The following ATR variants were observed in gnomAD, a reference collection of about 807,000 sequenced individuals.
ATR encodes ATR checkpoint kinase.
A neutral mutation model predicts 305.3 loss-of-function variants in ATR; 142 were observed. The ratio of observed to expected loss-of-function variants is 0.47; its 90% confidence interval spans 0.41 to 0.53. The LOEUF is 0.53. Among genes scored for constraint, ATR ranks in the 20% least tolerant of loss-of-function variants. The pLI is 0.00. For missense variants in ATR, 2,135 were observed against 3,133.1 expected (o/e 0.68, Z 7.60); for synonymous variants, 1,050 against 1,068.1 (o/e 0.98, Z 0.33).
Position 142,553,266 on chromosome 3 carries a change from C to T in ATR, c.2766G>A (p.Leu922=), listed in dbSNP as rs1456863565. ...RALVAAKSVK[L]QSFFSQYKKP... The stretch of plus-strand genomic sequence containing the variant: ...TCTTATACTGGCTGAAAAAACTTTG[C>T]AGTTTAACACTTTTAGCTGCAACCA... The change falls in exon 13 of 47, where the codon CTG becomes CTA. Residue 922 remains leucine, a synonymous_variant. Transcript: ENST00000350721. 1 of 1,614,118 alleles carries T rather than the reference C, an allele frequency of 6.2e-7. No homozygotes were observed. Among genetic ancestry groups the T allele is most frequent in the East Asian group, 2.2e-5 (1 of 44,878 alleles).
chr3:142,493,175 T>C lies in ATR; in HGVS notation c.6035A>G (p.Glu2012Gly), dbSNP rs766149533. The C allele has an allele frequency of 1.2e-6, 2 of 1,613,574 alleles. No homozygotes were observed. Among genetic ancestry groups the C allele is most frequent in the Non-Finnish European group, 1.7e-6 (2 of 1,179,662 alleles). The change falls in exon 35 of 47, where the codon GAA (glutamate) becomes GGA (glycine). Residue 2012 changes from glutamate to glycine, a missense_variant. Glu to Gly is a moderately conservative substitution (Grantham distance 98). This residue lies in a region of ATR where 462 missense variants were observed against 887.6 expected (regional missense o/e 0.52). Transcript: ENST00000350721. ...AMLLVGRFME[E>G]TANFESNAIM... ...TGCATTGCTTTCAAAGTTAGCTGTT[T>C]CTTCCATAAATCGGCCCACTAGTAG...
intron 21 of ATR, among the ~76,000 whole-genome samples, chr3:142,531,320 A>G (rs2108415522): frequency 6.6e-6 from 1 of 152,116 alleles, no homozygotes; most frequent in South Asian, 2.1e-4. Flanking sequence ...TTTGTTACAT[A>G]TGTATACATG....
chr3:142,466,646 A>T lies in ATR; in HGVS notation c.6688-113T>A, dbSNP rs972540428. 5.4e-5 allele frequency: 54 copies of T among 991,260 alleles called. No homozygotes were observed. In the African/African-American group the frequency reaches 8.3e-4, roughly 15 times the overall value. 61.4% of individuals were successfully genotyped at this position (991,260 alleles called of 1,614,324 possible). On this transcript the variant is annotated intron_variant, in intron 39 of 46. Coordinates refer to ENST00000350721, the MANE Select transcript of ATR (RefSeq NM_001184.4). ...AAGGTTCAGCAGTCTGTGGTTTTCT[A>T]AGTATTTCCTAATCATCCCATTTTA...
intron 46 of ATR, chr3:142,449,856 T>C (rs1275073256): frequency 2.0e-6 from 1 of 506,778 alleles, no homozygotes; most frequent in Non-Finnish European, 3.6e-6. Context: ...AGGGAATTAT[T>C]TACACATTAC....
chr3:142,530,045 T>G (rs2033576602), intron 21 of ATR, among the ~76,000 whole-genome samples: 1 of 152,138 alleles, frequency 6.6e-6, no homozygotes, highest in Non-Finnish European at 1.5e-5. Context: ...ACATCAATTA[T>G]TTGCAGGTGA....
At chr3:142,556,209 T>C in intron 9 of ATR, 70 bp from the exon 10 acceptor site, 1 of 1,570,750 alleles carries the variant, frequency 6.4e-7, no homozygotes, top group South Asian at 1.2e-5. Flanking sequence ...CTTGCTTAAT[T>C]TGGGACAAAA....
At chr3:142,497,826 A>G (rs1361550055) in intron 32 of ATR, among the ~76,000 whole-genome samples, 1 of 152,174 alleles carries the variant, frequency 6.6e-6, no homozygotes, top group Non-Finnish European at 1.5e-5. Context: ...ATAGCAGATG[A>G]TAGTAAAAAA....
Position 142,485,296 on chromosome 3 carries a change from C to T in ATR, c.6079-14G>A, listed in dbSNP as rs886058053. ...CGCGGTCACATCCTATAAAAAAGAA[C>T]ATAGGATACCTACCTAAGGAAATCC... On this transcript the variant is annotated splice_polypyrimidine_tract_variant and intron_variant, in intron 35 of 46. Transcript: ENST00000350721. The T allele has an allele frequency of 2.5e-6, 4 of 1,613,714 alleles. No individual in the cohort carries two copies. Among genetic ancestry groups the T allele is most frequent in the Non-Finnish European group, 2.5e-6 (3 of 1,179,880 alleles).
In ATR at chr3:142,560,243, A is replaced by G; in HGVS notation, c.1541+20T>C. ...TCATTACAGGAAACCCAACCCCAAGAAACAAGAAGTTTGTTTTACCAGTTC... is the reference window on the plus strand; with the variant it reads ...TCATTACAGGAAACCCAACCCCAAGGAACAAGAAGTTTGTTTTACCAGTTC... On this transcript the variant is annotated intron_variant, in intron 6 of 46. Transcript: ENST00000350721. 6.2e-7 allele frequency: 1 copy of G among 1,610,164 alleles called. No homozygotes were observed. The highest frequency in any genetic ancestry group is 8.5e-7 in the Non-Finnish European group (1 of 1,176,576).
At chr3:142,517,571 G>C (rs2032921725) in intron 24 of ATR, among the ~76,000 whole-genome samples, 2 of 152,230 alleles carry the variant, frequency 1.3e-5, no homozygotes, top group Admixed American at 1.3e-4. Flanking sequence ...ATTTTATGTG[G>C]CTCCAATTTC....
In ATR at chr3:142,556,462, T is replaced by C. The variant is rs2034676805; in HGVS notation, c.1999A>G (p.Ile667Val). The C allele has an allele frequency of 6.2e-7, 1 of 1,614,028 alleles. No individual in the cohort carries two copies. Among genetic ancestry groups the C allele is most frequent in the South Asian group, 1.1e-5 (1 of 91,082 alleles). Residue 667 changes from isoleucine to valine, a missense_variant, in exon 9 of 47, where the codon ATC (isoleucine) becomes GTC (valine). Transcript: ENST00000350721. ...AATCCACTAACACAACTAGCCCGGA[T>C]TACTTCATGGGAGCTCTGCAGGGCC... ...NWALQSSHEVIRASCVSGFFI... is the reference protein window; with the variant it reads ...NWALQSSHEVVRASCVSGFFI...
At chr3:142,560,622 G>A (rs2034845149) in intron 5 of ATR, among the ~76,000 whole-genome samples, 168 bp from the exon 6 acceptor site, 2 of 151,556 alleles carry the variant, frequency 1.3e-5, no homozygotes, top group African/African-American at 4.9e-5. Context: ...GTGCAGTGGC[G>A]CCATCTCGGC....
At chr3:142,535,263 C>T (rs2033812934) in intron 20 of ATR, 58 bp from the exon 21 acceptor site, 1 of 1,599,822 alleles carries the variant, frequency 6.3e-7, no homozygotes, top group Non-Finnish European at 8.5e-7. Context: ...ACAACCATTT[C>T]CAAAGGCCTG....
At chr3:142,522,707 A>T (rs2108395312) in intron 23 of ATR, 21 bp downstream of exon 23, 1 of 1,557,670 alleles carries the variant, frequency 6.4e-7, no homozygotes, top group Non-Finnish European at 8.9e-7. Context: ...TAAAGCCAGT[A>T]ATGACTATAT....
intron 45 of ATR, among the ~76,000 whole-genome samples, chr3:142,456,001 G>T (rs891270564): frequency 1.3e-5 from 2 of 152,230 alleles, no homozygotes; most frequent in Non-Finnish European, 2.9e-5. Context: ...AAAAGGTCTT[G>T]TATCCAAAAT....
chr3:142,486,849 C>T (rs1027702894), intron 35 of ATR, among the ~76,000 whole-genome samples: 2 of 146,432 alleles, frequency 1.4e-5, no homozygotes, highest in African/African-American at 2.5e-5. Context: ...GGCAAGATGG[C>T]TTATGCTTGT....
At chr3:142,547,065 C>T (rs2034294095) in intron 16 of ATR, among the ~76,000 whole-genome samples, 1 of 152,042 alleles carries the variant, frequency 6.6e-6, no homozygotes, top group Non-Finnish European at 1.5e-5. Context: ...AAATATTTTG[C>T]CAACAGTCCT....
chr3:142,559,489 T>C (rs1559995253), intron 6 of ATR, 48 bp from the exon 7 acceptor site: 1 of 1,569,336 alleles, frequency 6.4e-7, no homozygotes, highest in Admixed American at 1.7e-5. Context: ...AGATGAATTT[T>C]GTTATAGTCA....
In ATR at chr3:142,503,101, C is replaced by T. The variant is rs182234591; in HGVS notation, c.5288+261G>A. ...GAGGCCCAGGAAGTCCCATCTGAGC[C>T]TCACCAATAGCCAGTGGGTTCTAGA... On this transcript the variant is annotated intron_variant, in intron 30 of 46. Coordinates refer to ENST00000350721, the MANE Select transcript of ATR (RefSeq NM_001184.4). 2.0e-3 allele frequency among the ~76,000 whole-genome samples: 309 copies of T among 152,244 alleles called. 1 individual carries two copies. The highest frequency in any genetic ancestry group is 3.5e-3 in the Non-Finnish European group (235 of 68,018).
Sources: gnomAD v4.1 joint callset for allele counts (sites outside exome capture counted in the v4.1 genomes callset) on GRCh38, gnomAD v4.1.1 for gene constraint, gnomAD v4.1.1 regional missense constraint, MANE v1.5 for transcripts, NCBI Gene and HGNC (gene_info 2026-07-23, HGNC 2026-07-21) for gene names.